Variants in PHC2 observed in about 807,000 individuals in gnomAD.
The protein encoded by PHC2 is polyhomeotic homolog 2, also known as polyhomeotic-like protein 2.
PHC2 carries 29 observed loss-of-function variants against 87.4 expected under a neutral mutation model. The observed-to-expected ratio is 0.33, with a 90% CI of 0.25 to 0.45. PHC2 has a LOEUF of 0.45. Ranked by LOEUF, PHC2 falls within the 20% of genes least tolerant of loss-of-function variation. The pLI, the probability that PHC2 is intolerant of heterozygous loss-of-function variation, is 1.00. For missense variants in PHC2, 857 were observed against 1,136.7 expected, an observed-to-expected ratio of 0.75 and a Z score of 3.54; for synonymous variants, 438 against 461.7, an observed-to-expected ratio of 0.95 and a Z score of 0.66.
chr1:33,411,523 T>C (rs987421591), intron 1 of PHC2, among the ~76,000 whole-genome samples: 16 of 152,100 alleles, frequency 1.1e-4, no homozygotes, highest in Non-Finnish European at 1.5e-5. Flanking sequence ...TAAATCAGCA[T>C]ATTAATAAAG....
At chr1:33,391,834 A>C (rs1488665896) in intron 1 of PHC2, among the ~76,000 whole-genome samples, 1 of 152,164 alleles carries the variant, frequency 6.6e-6, no homozygotes, top group African/African-American at 2.4e-5. Context: ...AGGAGTCGTT[A>C]ATCTGGCAGA....
intron 1 of PHC2, among the ~76,000 whole-genome samples, chr1:33,386,812 A>G (rs1041396920): frequency 6.6e-6 from 1 of 152,016 alleles, no homozygotes; most frequent in Non-Finnish European, 1.5e-5. Context: ...GCGCACACAC[A>G]CCCTGCACAC....
At chr1:33,360,482 A>G (rs1570483520) in intron 7 of PHC2, among the ~76,000 whole-genome samples, 1 of 124,598 alleles carries the variant, frequency 8.0e-6, no homozygotes, top group African/African-American at 2.5e-5. Flanking sequence ...GCAATCTTAG[A>G]TAAATTGCTC....
rs768238418 is a variant in PHC2, at chr1:33,334,316, CAA to C, written c.1559-26_1559-25del. 1.9e-5 allele frequency: 30 copies of C among 1,605,142 alleles called. No individual in the cohort carries two copies. Among genetic ancestry groups the C allele is most frequent in the Non-Finnish European group, 2.3e-5 (27 of 1,173,132 alleles). The stretch of plus-strand genomic sequence containing the variant: ...CTCTGCACGAGAGAGAGTAGGAAAA[CAA>C]AGCAGGGGAGATCAGAACCAGAGTC... On this transcript the variant is annotated intron_variant, in intron 9 of 14. Transcript: ENST00000683057. This position sits in a 1 kb window ranked among gnomAD's most constrained non-coding sequence, Gnocchi z 5.5.
At chr1:33,390,784 C>A (rs1205536154) in intron 1 of PHC2, among the ~76,000 whole-genome samples, 1 of 151,808 alleles carries the variant, frequency 6.6e-6, no homozygotes, top group Non-Finnish European at 1.5e-5. Context: ...GGTTCCTCAC[C>A]CCCTCCAACC....
At chr1:33,325,599 C>G (rs1335212649) in intron 14 of PHC2, 2 of 283,736 alleles carry the variant, frequency 7.0e-6, no homozygotes, top group African/African-American at 4.5e-5. Flanking sequence ...TGGAAGGGAG[C>G]AGATAACCTC....
intron 9 of PHC2, chr1:33,347,508 G>C: frequency 1.0e-6 from 1 of 985,360 alleles, no homozygotes; most frequent in Non-Finnish European, 1.2e-6. Context: ...GTGGGGACAT[G>C]ATGAAACACC....
rs147830016 is a variant in PHC2 at position 33,324,745 on chromosome 1, C to A, written c.*120G>T. 3 of 1,105,262 alleles carry A rather than the reference C, an allele frequency of 2.7e-6. No homozygotes were observed. The highest frequency in any genetic ancestry group is 3.8e-6 in the Non-Finnish European group (3 of 789,976). The allele number at this position is 1,105,262 out of a possible 1,614,324, so 68.5% of individuals were successfully genotyped here. ...TGCCCAGACCTCCTCACCAGCTATG[C>A]CCCTAGGGAGAGCCCCTGCCCTCCA... On this transcript the variant is annotated 3_prime_UTR_variant, in exon 15 of 15. Transcript: ENST00000683057.
chr1:33,344,580 C>CA (rs1261423922), intron 9 of PHC2, among the ~76,000 whole-genome samples: 1 of 152,158 alleles, frequency 6.6e-6, no homozygotes, highest in African/African-American at 2.4e-5. Context: ...CTGGAGGCCT[C>CA]AAAATATGGA....
chr1:33,353,524 A>T (rs1194893056), intron 9 of PHC2: 2 of 152,034 alleles, frequency 1.3e-5, no homozygotes, highest in Non-Finnish European at 2.9e-5. Context: ...CTCTTCCTTG[A>T]TCCTGCTTCT....
intron 1 of PHC2, among the ~76,000 whole-genome samples, chr1:33,410,363 C>T (rs1247619451): frequency 6.6e-6 from 1 of 152,172 alleles, no homozygotes; most frequent in East Asian, 1.9e-4. Context: ...TCCATGGGAA[C>T]GTAACAGACA....
Position 33,331,699 on chromosome 1 carries a change from T to G in PHC2, c.1892-237A>C. 2.3e-6 allele frequency: 1 copy of G among 439,792 alleles called. No individual in the cohort carries two copies. The highest frequency in any genetic ancestry group is 4.0e-6 in the Non-Finnish European group (1 of 247,434). 27.2% of individuals were successfully genotyped at this position (439,792 alleles called of 1,614,324 possible). ...ATTTTTTTCTTCCACGTGGTCTGAG[T>G]CTGAGGCAAAACACAGGTGGGGAAG... On this transcript the variant is annotated intron_variant, in intron 11 of 14. Transcript: ENST00000683057. This position sits in a 1 kb window ranked among gnomAD's most constrained non-coding sequence, Gnocchi z 5.2.
intron 7 of PHC2, chr1:33,363,912 A>C (rs72658263): frequency 0.12 from 118,484 of 984,518 alleles, 7,754 homozygotes; most frequent in East Asian, 0.28. Flanking sequence ...CTCAGTCCTC[A>C]TGTCAGTGAG....
intron 1 of PHC2, among the ~76,000 whole-genome samples, chr1:33,392,020 A>T (rs1649078308): frequency 6.6e-6 from 1 of 152,230 alleles, no homozygotes; most frequent in Non-Finnish European, 1.5e-5. Context: ...ACAGAGGGAA[A>T]GGAAAGTGCT....
intron 6 of PHC2, 143 bp from the exon 7 acceptor site, chr1:33,367,571 G>A (rs113269902): frequency 7.4e-6 from 5 of 675,738 alleles, no homozygotes; most frequent in Non-Finnish European, 1.2e-5. Flanking sequence ...TGTGTTAGGG[G>A]CTAGAAGAGG....
chr1:33,350,618 G>A (rs1646953738), intron 9 of PHC2, among the ~76,000 whole-genome samples: 2 of 152,220 alleles, frequency 1.3e-5, no homozygotes, highest in Non-Finnish European at 2.9e-5. Context: ...CACACGCCAG[G>A]CACTTCTCTC....
At chr1:33,416,595 A>G (rs1650220194) in intron 1 of PHC2, among the ~76,000 whole-genome samples, 1 of 150,876 alleles carries the variant, frequency 6.6e-6, no homozygotes, top group Admixed American at 6.6e-5. Context: ...AAAAAAAAAA[A>G]AAAAAAAAGA....
chr1:33,405,291 A>G (rs1649711141), intron 1 of PHC2, among the ~76,000 whole-genome samples: 1 of 151,928 alleles, frequency 6.6e-6, no homozygotes, highest in Non-Finnish European at 1.5e-5. Flanking sequence ...CCTGGGTTCA[A>G]GCAATTCTTG....
chr1:33,331,355 C>T lies in PHC2; in HGVS notation c.1999G>A (p.Ala667Thr). ...RSKRFCSMAC[A>T]KRYNVGCTKR... The stretch of plus-strand genomic sequence containing the variant: ...GGGGCTGGGGCCACTCACCTCTTTG[C>T]ACAAGCCATGGAACAGAAGCGCTTG... The change falls in exon 12 of 15, where the codon GCA becomes ACA. Residue 667 changes from alanine to threonine, a missense_variant. By Grantham distance (58) the Ala-to-Thr change is moderately conservative. This residue lies in a region of PHC2 where 832 missense variants were observed against 1,081.8 expected (regional missense o/e 0.77). Transcript: ENST00000683057. The surrounding 1 kb of genome is among the most constrained non-coding windows in gnomAD (Gnocchi z 5.2). 6.3e-7 allele frequency: 1 copy of T among 1,591,396 alleles called. No homozygotes were observed. Among genetic ancestry groups the T allele is most frequent in the Non-Finnish European group, 8.6e-7 (1 of 1,160,210 alleles).
Sources: allele counts gnomAD v4.1 joint callset (sites outside exome capture counted in the v4.1 genomes callset), GRCh38; gene constraint gnomAD v4.1.1; regional missense constraint gnomAD v4.1.1; non-coding constraint Gnocchi (gnomAD v3.1); transcripts MANE v1.5; gene names NCBI Gene and HGNC (gene_info 2026-07-23, HGNC 2026-07-21).